Variants in CROCC observed in about 807,000 individuals in gnomAD.
The protein encoded by CROCC is rootletin.
A neutral mutation model predicts 245.2 loss-of-function variants in CROCC; 180 were observed. The ratio of observed to expected loss-of-function variants is 0.73; its 90% CI spans 0.65 to 0.83. The LOEUF is 0.83. Ranked by LOEUF, CROCC falls within the 40% of genes least tolerant of loss-of-function variation. The pLI is 0.00. For synonymous variants in CROCC, 1,205 were observed against 1,241.6 expected (o/e 0.97, Z 0.62); for missense variants, 2,688 against 2,779.4 (o/e 0.97, Z 0.74).
upstream of CROCC, among the ~76,000 whole-genome samples, chr1:16,919,220 C>T (rs1296234141): frequency 3.3e-5 from 5 of 152,408 alleles, no homozygotes; most frequent in Non-Finnish European, 5.9e-5. Flanking sequence ...GACCTGGATA[C>T]AGAAGTAGAG....
rs778009448 is a variant in CROCC, at chr1:16,968,328, G to A, written c.4986G>A (p.Glu1662=). The change falls in exon 31 of 37, where the codon GAG becomes GAA. Residue 1662 remains glutamate (E), a synonymous_variant. Coordinates refer to ENST00000375541, the MANE Select transcript of CROCC (RefSeq NM_014675.5). ...VKLELQRRSL[E]GELQRSRLGL... ...TGGAGCTGCAGCGGCGCTCGCTTGA[G>A]GGGGAGCTGCAGCGCAGCCGCCTGG... The A allele has an allele frequency of 2.6e-6, 4 of 1,548,564 alleles. No individual in the cohort carries two copies. Among genetic ancestry groups the A allele is most frequent in the Admixed American group, 2.0e-5 (1 of 50,962 alleles).
Position 16,951,141 on chromosome 1 carries a change from G to T in CROCC, c.3006+19G>T. 1 of 1,479,564 alleles carries T rather than the reference G, an allele frequency of 6.8e-7. No homozygotes were observed. Among genetic ancestry groups the T allele is most frequent in the Non-Finnish European group, 9.0e-7 (1 of 1,111,540 alleles). The allele number at this position is 1,479,564 out of a possible 1,614,324, so 91.7% of individuals were successfully genotyped here. On this transcript the variant is annotated intron_variant, in intron 20 of 36. Transcript: ENST00000375541. Reference sequence around the variant, plus strand: ...TGAAAAGGTTCAGGCAGCTGGGGAGGGGTGGGCAGGACTCTGAGCCAGTGT... The same window carrying T: ...TGAAAAGGTTCAGGCAGCTGGGGAGTGGTGGGCAGGACTCTGAGCCAGTGT...
chr1:16,955,576 C>G (rs938649623), intron 24 of CROCC, 26 bp downstream of exon 24: 1 of 1,481,212 alleles, frequency 6.8e-7, no homozygotes, highest in Admixed American at 2.2e-5. Context: ...AGGACCAGTC[C>G]TGAGTCCTCA....
At chr1:16,953,151 G>A (rs1230953027) in intron 20 of CROCC, 151 bp from the exon 21 acceptor site, 17 of 727,436 alleles carry the variant, frequency 2.3e-5, no homozygotes, top group East Asian at 5.4e-5. Context: ...GCGTGTCCCC[G>A]TCATAGCCCT....
At chr1:16,949,033 G>C in intron 19 of CROCC, 107 bp downstream of exon 19, 2 of 1,449,402 alleles carry the variant, frequency 1.4e-6, no homozygotes, top group South Asian at 2.7e-5. Context: ...TAGGAGTCTG[G>C]CTGGCCTGGG....
chr1:16,971,094 TG>T, intron 35 of CROCC: 1 of 446,220 alleles, frequency 2.2e-6, no homozygotes, highest in Non-Finnish European at 4.0e-6. Flanking sequence ...AATATGTGTT[TG>T]TGTACAGATG....
rs902231283 is a variant in CROCC, at chr1:16,970,742, C to T, written c.5759C>T (p.Ala1920Val). The change falls in exon 35 of 37, where the codon GCG becomes GTG. Residue 1920 changes from alanine to valine, a missense_variant. This residue lies in a region of CROCC where 1,218 missense variants were observed against 1,286.3 expected (regional missense o/e 0.95). Transcript: ENST00000375541. ...LTGAELELAE[A>V]QRQIQQLEAQ... ...GGGGCTGAGCTGGAGCTGGCAGAGGCGCAGAGGCAGATCCAGCAGCTGGAG... is the reference window on the plus strand; with the variant it reads ...GGGGCTGAGCTGGAGCTGGCAGAGGTGCAGAGGCAGATCCAGCAGCTGGAG... 1.3e-5 allele frequency: 21 copies of T among 1,598,962 alleles called. No homozygotes were observed. Among genetic ancestry groups the T allele is most frequent in the East Asian group, 4.5e-5 (2 of 44,756 alleles).
intron 21 of CROCC, 108 bp downstream of exon 21, chr1:16,953,589 C>T (rs2076200527): frequency 1.8e-6 from 2 of 1,084,648 alleles, no homozygotes; most frequent in Admixed American, 2.8e-5. Flanking sequence ...AGGCCACTGC[C>T]CTCTTGGGGG....
At chr1:16,969,432 C>A (rs1224232383) in intron 32 of CROCC, 92 bp downstream of exon 32, 1 of 1,267,290 alleles carries the variant, frequency 7.9e-7, no homozygotes, top group Non-Finnish European at 1.1e-6. Context: ...GAGAGCCAGC[C>A]AATGGGGCAG....
chr1:16,925,360 G>A (rs540925540), intron 3 of CROCC, among the ~76,000 whole-genome samples: 1 of 152,388 alleles, frequency 6.6e-6, no homozygotes, highest in South Asian at 2.1e-4. Flanking sequence ...TGTAACAGAG[G>A]AGAAAACAGA....
chr1:16,938,243 A>G (rs1207611799), intron 10 of CROCC, among the ~76,000 whole-genome samples, 157 bp from the exon 11 acceptor site: 24 of 152,384 alleles, frequency 1.6e-4, no homozygotes, highest in Admixed American at 1.5e-3. Context: ...CTGTTCAGTG[A>G]GGGCCTCGGG....
rs1430687539 is a variant in CROCC, at chr1:16,938,899, C to T, written c.1375-10C>T. ...AGCAGCCTCCTTCTGCCTCCCTCCC[C>T]CACCCTCAGGCCGTCTTGTCAGACT... is the stretch of plus-strand genomic sequence containing the variant. On this transcript the variant is annotated splice_polypyrimidine_tract_variant and intron_variant, in intron 11 of 36. Transcript: ENST00000375541. The T allele has an allele frequency of 2.2e-5, 36 of 1,604,450 alleles. No individual in the cohort carries two copies. Among genetic ancestry groups the T allele is most frequent in the Non-Finnish European group, 3.0e-5 (35 of 1,177,016 alleles).
chr1:16,943,033 G>A (rs1442457467), intron 13 of CROCC, among the ~76,000 whole-genome samples: 6 of 150,470 alleles, frequency 4.0e-5, no homozygotes, highest in African/African-American at 1.2e-4. Context: ...ACCTGAGGTC[G>A]GGAGTTCGAG....
At chr1:16,922,613 G>A in intron 1 of CROCC, 50 bp from the exon 2 acceptor site, 3 of 1,546,574 alleles carry the variant, frequency 1.9e-6, no homozygotes, top group African/African-American at 1.4e-5. Flanking sequence ...CACGAGGCCA[G>A]GGAGCCCCGG....
intron 12 of CROCC, 80 bp downstream of exon 12, chr1:16,939,222 G>GGGGGC: frequency 1.6e-6 from 2 of 1,229,622 alleles, no homozygotes; most frequent in Non-Finnish European, 2.1e-6. Flanking sequence ...GGGCGGGGGC[G>GGGGGC]GGGGCAGGTC....
chr1:16,914,147 C>T (rs554080054), intron 1 of CROCC, among the ~76,000 whole-genome samples: 2 of 151,346 alleles, frequency 1.3e-5, no homozygotes, highest in Admixed American at 6.6e-5. Flanking sequence ...GGTAGGTGGC[C>T]GGGGGCGCGC....
intron 32 of CROCC, 104 bp downstream of exon 32, chr1:16,969,444 C>A: frequency 8.7e-7 from 1 of 1,148,944 alleles, no homozygotes; most frequent in Non-Finnish European, 1.3e-6. Context: ...ATGGGGCAGT[C>A]AGTTGGAGCC....
rs531228339 is a variant in CROCC at position 16,952,382 on chromosome 1, G to A, written c.3007-920G>A. On this transcript the variant is annotated intron_variant, in intron 20 of 36. Coordinates refer to ENST00000375541, the MANE Select transcript of CROCC (RefSeq NM_014675.5). ...CGCCTGTAGTCCCAGATACTTGGGA[G>A]GGTAAGGCAGAAGAATCGCTTCAAC... Among the ~76,000 whole-genome samples, 42 of 152,154 alleles carry A rather than the reference G, an allele frequency of 2.8e-4. No individual in the cohort carries two copies. In the South Asian group the frequency reaches 7.7e-3, roughly 28 times the overall value.
At position 16,954,655 on chromosome 1, in the gene CROCC, C is replaced by T; in HGVS notation, c.3322-79C>T. ...GGCCGTGTTTAGAGCTAAAAGTGGA[C>T]AGTGCACTGAGCGGGTTGGGAGCAG... On this transcript the variant is annotated intron_variant, in intron 22 of 36. Transcript: ENST00000375541. The surrounding 1 kb of genome is among the most constrained non-coding windows in gnomAD (Gnocchi z 4.4). 15 of 1,464,408 alleles carry T rather than the reference C, an allele frequency of 1.0e-5. No individual in the cohort carries two copies. The highest frequency in any genetic ancestry group is 1.4e-5 in the Non-Finnish European group (15 of 1,099,586). 90.7% of individuals were successfully genotyped at this position (1,464,408 alleles called of 1,614,324 possible).
Sources: allele counts gnomAD v4.1 joint callset (sites outside exome capture counted in the v4.1 genomes callset), GRCh38; gene constraint gnomAD v4.1.1; regional missense constraint gnomAD v4.1.1; non-coding constraint Gnocchi (gnomAD v3.1); transcripts MANE v1.5; gene names NCBI Gene and HGNC (gene_info 2026-07-23, HGNC 2026-07-21).